The following MAST1 variants were observed in gnomAD, a reference collection of about 807,000 sequenced individuals.
The protein encoded by MAST1 is microtubule associated serine/threonine kinase 1, also known as microtubule-associated serine/threonine-protein kinase 1.
Under a neutral mutation model 124.6 loss-of-function variants are expected in MAST1, and 40 were observed. The observed-to-expected ratio is 0.32, with a 90% confidence interval of 0.25 to 0.42. The LOEUF is 0.42. MAST1 is among the 10% of genes least tolerant of loss of function. The pLI, the probability that MAST1 is intolerant of heterozygous loss-of-function variation, is 1.00. For synonymous variants in MAST1, 938 were observed against 939.4 expected (o/e 1.00, Z 0.03); for missense variants, 1,558 against 2,181.9 (o/e 0.71, Z 5.70).
intron 25 of MAST1, 30 bp from the exon 26 acceptor site, chr19:12,873,579 C>G (rs753333912): frequency 6.3e-7 from 1 of 1,578,944 alleles, no homozygotes; most frequent in Non-Finnish European, 8.6e-7. Context: ...TTGGGCTGTA[C>G]TCACTCGCTT....
chr19:12,871,269 G>T (rs1333727560), intron 24 of MAST1, 97 bp downstream of exon 24: 3 of 1,536,456 alleles, frequency 2.0e-6, no homozygotes, highest in Admixed American at 1.9e-5. Context: ...GCACGGGAAA[G>T]GTGGCGGGAA....
chr19:12,855,949 T>C (rs576477044), intron 10 of MAST1, among the ~76,000 whole-genome samples: 1 of 152,108 alleles, frequency 6.6e-6, no homozygotes, highest in Non-Finnish European at 1.5e-5. Context: ...AATTTTTTTT[T>C]TTTTTTTGCC....
chr19:12,868,975 T>C, intron 21 of MAST1, 91 bp from the exon 22 acceptor site: 1 of 1,536,290 alleles, frequency 6.5e-7, no homozygotes. Flanking sequence ...GAGAGGCTGC[T>C]CTGCCACTGC....
At chr19:12,873,211 A>G in intron 24 of MAST1, 113 bp from the exon 25 acceptor site, 2 of 994,356 alleles carry the variant, frequency 2.0e-6, no homozygotes, top group Non-Finnish European at 3.0e-6. Context: ...TTGTAGCTGG[A>G]GAGGGAAGGG....
At chr19:12,863,207 G>C (rs1970108041) in intron 12 of MAST1, among the ~76,000 whole-genome samples, 1 of 136,584 alleles carries the variant, frequency 7.3e-6, no homozygotes, top group South Asian at 2.5e-4. Flanking sequence ...ATTAAGAAAA[G>C]ATAATCCATT....
At chr19:12,852,532 A>C in intron 10 of MAST1, 137 bp downstream of exon 10, 1 of 812,372 alleles carries the variant, frequency 1.2e-6, no homozygotes, top group Non-Finnish European at 2.0e-6. Context: ...CATCCATAAA[A>C]TGGGATTAAT....
chr19:12,850,243 G>A (rs73503496), intron 7 of MAST1, among the ~76,000 whole-genome samples: 8,065 of 152,154 alleles, frequency 0.053, 740 homozygotes, highest in African/African-American at 0.19. Context: ...AACAATAGGC[G>A]TTAGAAGCTA....
Position 12,873,724 on chromosome 19 carries a change from C to T in MAST1, c.3567C>T (p.Arg1189=), listed in dbSNP as rs1303030669. Residue 1189 remains arginine, a synonymous_variant, in exon 26 of 26, where the codon CGC becomes CGT. Transcript: ENST00000251472. The part of the protein sequence containing the change: ...TLHGLSPKLH[R]QYRSARCKSA... ...ACGGACTGTCGCCAAAGCTCCATCG[C>T]CAGTACCGCTCTGCGCGATGCAAGT... 5.6e-6 allele frequency: 9 copies of T among 1,602,522 alleles called. No individual in the cohort carries two copies. Among genetic ancestry groups the T allele is most frequent in the Non-Finnish European group, 6.8e-6 (8 of 1,179,206 alleles).
In MAST1 at chr19:12,840,298, C is replaced by T. The variant is rs371680246; in HGVS notation, c.84-148C>T. On this transcript the variant is annotated intron_variant, in intron 1 of 25. Coordinates refer to ENST00000251472, the MANE Select transcript of MAST1 (RefSeq NM_014975.3). ...CACAGTCCTGCCGAGGCCTGCACCACCTTTCTTCGAGAAACCCTCCCAGGG... is the reference window on the plus strand; with the variant it reads ...CACAGTCCTGCCGAGGCCTGCACCATCTTTCTTCGAGAAACCCTCCCAGGG... 158 of 627,162 alleles carry T rather than the reference C, an allele frequency of 2.5e-4. 1 individual carries two copies. The African/African-American group carries it at 2.8e-3, about 11-fold the overall frequency. The allele number at this position is 627,162 out of a possible 1,614,324, so 38.8% of individuals were successfully genotyped here. A position where few individuals can be genotyped will look rare whatever the true frequency, so the allele number is the denominator to read the frequency against.
chr19:12,865,123 C>T lies in MAST1; in HGVS notation c.1583C>T (p.Thr528Ile), dbSNP rs1970135580. 1.2e-6 allele frequency: 2 copies of T among 1,613,992 alleles called. No homozygotes were observed. The highest frequency in any genetic ancestry group is 1.7e-6 in the Non-Finnish European group (2 of 1,180,032). ...LSKMGLMSLT[T>I]NLYEGHIEKD... ...AAGATGGGGCTCATGAGCCTCACCA[C>T]CAACTTATATGAAGGCCACATCGAG... Residue 528 changes from threonine (T) to isoleucine (I), a missense_variant, in exon 14 of 26, where the codon ACC (threonine) becomes ATC (isoleucine). Around this residue, in one of 10 missense-constraint regions of MAST1, gnomAD observed 145 missense variants for 350.0 expected, o/e 0.41. Coordinates refer to ENST00000251472, the MANE Select transcript of MAST1 (RefSeq NM_014975.3). This position sits in a 1 kb window ranked among gnomAD's most constrained non-coding sequence, Gnocchi z 7.1.
chr19:12,857,071 TGTAA>T (rs1294358798), intron 10 of MAST1, among the ~76,000 whole-genome samples: 6 of 152,272 alleles, frequency 3.9e-5, no homozygotes, highest in Middle Eastern at 3.4e-3. Context: ...TTTCTGTTAT[TGTAA>T]GTGAGATTGA....
intron 10 of MAST1, among the ~76,000 whole-genome samples, chr19:12,853,114 G>T (rs1969982252): frequency 6.6e-6 from 1 of 150,762 alleles, no homozygotes; most frequent in Admixed American, 6.6e-5. Flanking sequence ...GGGATTACAG[G>T]CATGTAACAC....
chr19:12,856,768 T>C (rs1243203918), intron 10 of MAST1, among the ~76,000 whole-genome samples: 1 of 152,262 alleles, frequency 6.6e-6, no homozygotes. Flanking sequence ...TGTGTTTGTT[T>C]GGCTAATTTA....
intron 23 of MAST1, 28 bp from the exon 24 acceptor site, chr19:12,871,008 A>G: frequency 1.9e-6 from 3 of 1,614,088 alleles, no homozygotes; most frequent in Non-Finnish European, 2.5e-6. Context: ...AGCCCCTAGC[A>G]GAGCATTTTC....
At chr19:12,871,214 G>A in intron 24 of MAST1, 42 bp downstream of exon 24, 1 of 1,612,018 alleles carries the variant, frequency 6.2e-7, no homozygotes, top group Non-Finnish European at 8.5e-7. Flanking sequence ...AGCAGTGGGT[G>A]GAACTTAGGC....
chr19:12,839,434 A>G (rs1200545138), intron 1 of MAST1, among the ~76,000 whole-genome samples: 2 of 152,326 alleles, frequency 1.3e-5, no homozygotes, highest in Middle Eastern at 6.8e-3. Context: ...CCATCCATGC[A>G]TCCAAGAATG....
rs947775379 is a variant in MAST1, at chr19:12,874,775, C to T, written c.4618C>T (p.Gln1540Ter). 6.2e-7 allele frequency: 1 copy of T among 1,604,728 alleles called. No homozygotes were observed. Among genetic ancestry groups the T allele is most frequent in the African/African-American group, 1.3e-5 (1 of 74,728 alleles). Residue 1540 changes from glutamine to a stop codon, truncating the protein, a stop_gained, in exon 26 of 26, where the codon CAA becomes TAA. Coordinates refer to ENST00000251472, the MANE Select transcript of MAST1 (RefSeq NM_014975.3). LOFTEE classifies it high-confidence loss of function. The surrounding 1 kb of genome is among the most constrained non-coding windows in gnomAD (Gnocchi z 6.6). The stretch of plus-strand genomic sequence containing the variant: ...CCTCTTGGGCTCAGGCACCAAGCCT[C>T]AAGTGGGGCTGACCTCCCGGTGCCC... The part of the protein sequence containing the change: ...ASLLGSGTKP[Q>*]VGLTSRCPAE...
In MAST1 at chr19:12,841,038, GCC is replaced by G; in HGVS notation, c.222_223del (p.His75LeufsTer162). 7.8e-7 allele frequency: 1 copy of G among 1,276,468 alleles called. No individual in the cohort carries two copies. The highest frequency in any genetic ancestry group is 1.1e-6 in the Non-Finnish European group (1 of 878,028). 79.1% of individuals were successfully genotyped at this position (1,276,468 alleles called of 1,614,324 possible). A position where few individuals can be genotyped will look rare whatever the true frequency, so the allele number is the denominator to read the frequency against. On this transcript the variant is annotated frameshift_variant, in exon 3 of 26. Transcript: ENST00000251472. LOFTEE classifies it high-confidence loss of function. This position sits in a 1 kb window ranked among gnomAD's most constrained non-coding sequence, Gnocchi z 4.3. ...SPRNFSPNTPAHFSFASSRRA... is the reference protein window; with the variant it reads ...SPRNFSPNTPXHFSFASSRRA... ...CCGAAACTTCTCCCCCAACACCCCC[GCC>G]CACTTCTCGTTTGCCTCCTCCCGAA...
In MAST1 at chr19:12,841,287, T is replaced by A. The variant is rs1429864797; in HGVS notation, c.248+221T>A. Among the ~76,000 whole-genome samples the A allele has an allele frequency of 6.6e-6, 1 of 152,212 alleles. No individual in the cohort carries two copies. Among genetic ancestry groups the A allele is most frequent in the African/African-American group, 2.4e-5 (1 of 41,460 alleles). ...TCTGGAACGGGGAAGGCGGTGGGGCTCCCTTTGCGGCAGGTCGAAAGCGCG... is the reference window on the plus strand; with the variant it reads ...TCTGGAACGGGGAAGGCGGTGGGGCACCCTTTGCGGCAGGTCGAAAGCGCG... On this transcript the variant is annotated intron_variant, in intron 3 of 25. Transcript: ENST00000251472. This position sits in a 1 kb window ranked among gnomAD's most constrained non-coding sequence, Gnocchi z 4.3.
Sources: gnomAD v4.1 joint callset for allele counts (sites outside exome capture counted in the v4.1 genomes callset) on GRCh38, gnomAD v4.1.1 for gene constraint, gnomAD v4.1.1 regional missense constraint, Gnocchi (gnomAD v3.1) non-coding constraint, MANE v1.5 for transcripts, NCBI Gene and HGNC (gene_info 2026-07-23, HGNC 2026-07-21) for gene names.